Variants in LDAF1 observed in about 807,000 individuals in gnomAD.
The protein encoded by LDAF1 is lipid droplet assembly factor 1, also known as PROMETHIN.
In LDAF1, 7 loss-of-function variants were observed where a neutral mutation model predicts 13.5. The observed-to-expected ratio is 0.52, with a 90% CI of 0.29 to 0.97. LDAF1 has a LOEUF of 0.97. LDAF1 is among the 50% of genes least tolerant of loss of function. LDAF1 has a pLI of 0.07. For missense variants in LDAF1, 148 were observed against 193.2 expected (o/e 0.77, Z 1.39); for synonymous variants, 69 against 77.1 (o/e 0.89, Z 0.55).
Position 21,161,146 on chromosome 16 carries a change from A to T in LDAF1, c.-37A>T. ...CTGCACTGGAGAATTTACTGGTAGG[A>T]TAATTCATCCCTAAAGAGATTGAAG... On this transcript the variant is annotated 5_prime_UTR_variant, in exon 2 of 5. Coordinates refer to ENST00000233047, the MANE Select transcript of LDAF1 (RefSeq NM_001301771.2). 3.1e-6 allele frequency: 5 copies of T among 1,610,302 alleles called. No homozygotes were observed. Among genetic ancestry groups the T allele is most frequent in the Non-Finnish European group, 4.2e-6 (5 of 1,178,848 alleles).
At chr16:21,159,412 T>G (rs1240464653) in intron 1 of LDAF1, 5 of 1,613,948 alleles carry the variant, frequency 3.1e-6, no homozygotes, top group Non-Finnish European at 4.2e-6. Context: ...GGGCGGCCAG[T>G]GTGAGCTCGA....
At chr16:21,172,533 G>A (rs2093099434) in intron 3 of LDAF1, among the ~76,000 whole-genome samples, 1 of 152,200 alleles carries the variant, frequency 6.6e-6, no homozygotes, top group South Asian at 2.1e-4. Context: ...AGGCTGAGGT[G>A]ACGGGATCGC....
In LDAF1 at chr16:21,166,857, G is replaced by T; in HGVS notation, c.97-3580G>T. ...TCTTTCAGCTGCCCCAACACAGCAGGATCTCACTGGACTCTGATGATGGAG... is the reference window on the plus strand; with the variant it reads ...TCTTTCAGCTGCCCCAACACAGCAGTATCTCACTGGACTCTGATGATGGAG... On this transcript the variant is annotated intron_variant, in intron 2 of 4. Transcript: ENST00000233047. 3 of 1,535,726 alleles carry T rather than the reference G, an allele frequency of 2.0e-6. No individual in the cohort carries two copies. The South Asian group carries it at 3.6e-5, about 18-fold the overall frequency.
intron 1 of LDAF1, chr16:21,159,937 G>C: frequency 2.0e-6 from 2 of 985,346 alleles, no homozygotes; most frequent in South Asian, 9.4e-5. Flanking sequence ...CAGCTTCAAA[G>C]AGAGAATGTG....
At chr16:21,172,307 C>T (rs900506426) in intron 3 of LDAF1, among the ~76,000 whole-genome samples, 1 of 151,896 alleles carries the variant, frequency 6.6e-6, no homozygotes, top group Admixed American at 6.6e-5. Flanking sequence ...ATTAGCCGGG[C>T]ATGGTGGTGG....
chr16:21,161,741 T>G (rs2092976845), intron 2 of LDAF1, among the ~76,000 whole-genome samples: 1 of 152,240 alleles, frequency 6.6e-6, no homozygotes, highest in Non-Finnish European at 1.5e-5. Context: ...GACAAAAGCC[T>G]ACTTCAAGAT....
intron 4 of LDAF1, chr16:21,178,114 A>C (rs2093155770): frequency 1.4e-6 from 1 of 695,746 alleles, no homozygotes; most frequent in Non-Finnish European, 1.8e-6. Context: ...AGTTTCCCTT[A>C]CATATGAAAC....
chr16:21,179,415 T>C, intron 4 of LDAF1, 60 bp from the exon 5 acceptor site: 1 of 1,613,190 alleles, frequency 6.2e-7, no homozygotes, highest in South Asian at 1.1e-5. Flanking sequence ...CTATGCACAC[T>C]TCCAACGTTG....
At chr16:21,161,404 C>G in intron 2 of LDAF1, 126 bp downstream of exon 2, 2 of 1,169,080 alleles carry the variant, frequency 1.7e-6, no homozygotes, top group Non-Finnish European at 2.4e-6. Flanking sequence ...TCTGGCTTAC[C>G]GCCCTGCCAT....
At chr16:21,172,205 G>C (rs992413856) in intron 3 of LDAF1, among the ~76,000 whole-genome samples, 2 of 151,250 alleles carry the variant, frequency 1.3e-5, no homozygotes, top group Non-Finnish European at 2.9e-5. Flanking sequence ...CCCAACACTG[G>C]GAGGCTGAGG....
chr16:21,161,049 A>G, intron 1 of LDAF1, 36 bp from the exon 2 acceptor site: 4 of 1,446,848 alleles, frequency 2.8e-6, no homozygotes, highest in Non-Finnish European at 3.6e-6. Context: ...CAGATGGATG[A>G]AGACCACTAA....
chr16:21,162,511 T>A (rs996078417), intron 2 of LDAF1, among the ~76,000 whole-genome samples: 1 of 152,256 alleles, frequency 6.6e-6, no homozygotes, highest in African/African-American at 2.4e-5. Context: ...ACATTTTGTA[T>A]GTCATTCTAG....
intron 4 of LDAF1, among the ~76,000 whole-genome samples, chr16:21,175,093 A>G (rs2152849693): frequency 6.6e-6 from 1 of 152,358 alleles, no homozygotes; most frequent in Middle Eastern, 3.4e-3. Flanking sequence ...TTTGTCTACA[A>G]TGTGCCACCC....
rs1022050215 is a variant in LDAF1, at chr16:21,168,518, TAATA to T, written c.97-1913_97-1910del. Among the ~76,000 whole-genome samples the T allele has an allele frequency of 1.3e-4, 19 of 146,212 alleles. 1 individual carries two copies. The highest frequency in any genetic ancestry group is 4.2e-4 in the South Asian group (2 of 4,788). On this transcript the variant is annotated intron_variant, in intron 2 of 4. Coordinates refer to ENST00000233047, the MANE Select transcript of LDAF1 (RefSeq NM_001301771.2). The stretch of plus-strand genomic sequence containing the variant: ...ATAATGCTTTTAATAATTATAATTA[TAATA>T]AATAATATATAAATAATATAATACA...
At chr16:21,166,931 T>A (rs898123103) in intron 2 of LDAF1, 1 of 1,534,628 alleles carries the variant, frequency 6.5e-7, no homozygotes, top group Non-Finnish European at 8.7e-7. Flanking sequence ...GCTACAGTCA[T>A]CTCTGGCTAG....
intron 2 of LDAF1, among the ~76,000 whole-genome samples, chr16:21,167,907 G>C (rs1407343203): frequency 1.3e-5 from 2 of 149,480 alleles, no homozygotes; most frequent in East Asian, 4.0e-4. Context: ...TCGGGAGGCT[G>C]AGGCGGGAGA....
chr16:21,160,861 A>G (rs1251168548), intron 1 of LDAF1: 1 of 304,566 alleles, frequency 3.3e-6, no homozygotes, highest in African/African-American at 2.1e-5. Context: ...CAGGGATGCA[A>G]TGCACAGCCT....
intron 2 of LDAF1, among the ~76,000 whole-genome samples, chr16:21,168,791 AATATAATTATATTTTTATAT>A (rs1567906065): frequency 7.7e-6 from 1 of 130,614 alleles, no homozygotes; most frequent in Non-Finnish European, 1.5e-5. Flanking sequence ...TATTTTTATA[AATATAATTATATTTTTATAT>A]AAAATTAAAT....
chr16:21,159,015 T>C (rs543486046), intron 1 of LDAF1, among the ~76,000 whole-genome samples: 126 of 144,174 alleles, frequency 8.7e-4, no homozygotes, highest in Non-Finnish European at 1.6e-3. Context: ...CACACACACA[T>C]ACACACACAC....
Sources: gnomAD v4.1 joint callset for allele counts (sites outside exome capture counted in the v4.1 genomes callset) on GRCh38, gnomAD v4.1.1 for gene constraint, MANE v1.5 for transcripts, NCBI Gene and HGNC (gene_info 2026-07-23, HGNC 2026-07-21) for gene names.